The following ZNF83 variants were observed in gnomAD, a reference collection of about 807,000 sequenced individuals.
ZNF83 encodes the protein zinc finger protein 83, also known as zinc finger protein 816B.
For missense variants in ZNF83, 552 were observed against 629.9 expected (o/e 0.88, Z 1.32); for synonymous variants, 209 against 213.0 (o/e 0.98, Z 0.17).
intron 1 of ZNF83, among the ~76,000 whole-genome samples, chr19:52,675,535 A>G (rs568394817): frequency 1.8e-4 from 27 of 152,212 alleles, no homozygotes; most frequent in African/African-American, 6.5e-4. Context: ...GCGGCCTCCT[A>G]TAATTTTGTC....
chr19:52,686,059 A>T (rs893651521), intron 1 of ZNF83, among the ~76,000 whole-genome samples: 4 of 152,200 alleles, frequency 2.6e-5, no homozygotes, highest in Non-Finnish European at 5.9e-5. Flanking sequence ...CAAATGACAT[A>T]AGGAAAGAAA....
chr19:52,681,303 C>CAAAAAAAAAAAAA (rs1189423006), intron 1 of ZNF83, among the ~76,000 whole-genome samples: 35 of 78,304 alleles, frequency 4.5e-4, no homozygotes, highest in Non-Finnish European at 5.8e-4. Flanking sequence ...AAAAAAAAAG[C>CAAAAAAAAAAAAA]AAACGAACAT....
intron 2 of ZNF83, among the ~76,000 whole-genome samples, chr19:52,627,925 A>G (rs1339562291): frequency 6.6e-6 from 1 of 152,102 alleles, no homozygotes; most frequent in Non-Finnish European, 1.5e-5. Flanking sequence ...TTCCTGCCTT[A>G]ACTGATGACA....
chr19:52,674,815 A>ACCAACCAATC (rs1389231440), intron 1 of ZNF83, among the ~76,000 whole-genome samples: 3 of 152,246 alleles, frequency 2.0e-5, no homozygotes, highest in Non-Finnish European at 2.9e-5. Context: ...ATCTCGTTAA[A>ACCAACCAATC]TGATTATACA....
chr19:52,612,763 T>A, exon 3 of ZNF83: 1 of 484,536 alleles, frequency 2.1e-6, no homozygotes, highest in East Asian at 3.3e-5. Context: ...CCTTGCCACA[T>A]TCATTACATT....
chr19:52,653,411 C>T, intron 3 of ZNF83: 1 of 866,680 alleles, frequency 1.2e-6, no homozygotes, highest in Non-Finnish European at 1.9e-6. Flanking sequence ...GGTTTCTCTT[C>T]AGTATGAACT....
intron 2 of ZNF83, among the ~76,000 whole-genome samples, chr19:52,622,864 G>A (rs1279469776): frequency 6.6e-6 from 1 of 152,218 alleles, no homozygotes; most frequent in Non-Finnish European, 1.5e-5. Context: ...TGCAATAATA[G>A]AGAGGAGGCA....
rs116268384 is a variant in ZNF83 at position 52,647,963 on chromosome 19, T to C, written c.-74+7598A>G. 1.2e-3 allele frequency among the ~76,000 whole-genome samples: 176 copies of C among 151,606 alleles called. 1 individual carries two copies. Among genetic ancestry groups the C allele is most frequent in the East Asian group, 5.4e-3 (28 of 5,144 alleles). On this transcript the variant is annotated intron_variant, in intron 3 of 5. Transcript: ENST00000594682. ...CAGCTGTGTTCCCTGCTGTTGTTCT[T>C]CCTCTGTTCTCCTTGCCACCAGCAC...
intron 1 of ZNF83, among the ~76,000 whole-genome samples, 180 bp downstream of exon 1, chr19:52,638,132 G>C (rs1247853833): frequency 2.0e-5 from 3 of 152,236 alleles, no homozygotes; most frequent in Admixed American, 2.0e-4. Flanking sequence ...GGACAGCCCA[G>C]CCTCAGGGCG....
upstream of ZNF83, among the ~76,000 whole-genome samples, chr19:52,642,458 G>T (rs536171613): frequency 6.6e-6 from 1 of 151,590 alleles, no homozygotes; most frequent in Admixed American, 6.6e-5. Flanking sequence ...AGTAAAGACC[G>T]GGTATCTCCA....
At chr19:52,673,188 G>A (rs377520009) in intron 1 of ZNF83, among the ~76,000 whole-genome samples, 3 of 152,044 alleles carry the variant, frequency 2.0e-5, no homozygotes, top group East Asian at 1.9e-4. Flanking sequence ...CAGACTGTGC[G>A]AAAGAGCTGG....
chr19:52,633,467 C>A (rs544462753), intron 2 of ZNF83, among the ~76,000 whole-genome samples: 1 of 129,788 alleles, frequency 7.7e-6, no homozygotes, highest in African/African-American at 3.2e-5. Flanking sequence ...TACACGTGTA[C>A]GAGACTTGCT....
chr19:52,630,180 C>T (rs1351654644), intron 2 of ZNF83, among the ~76,000 whole-genome samples: 1 of 152,198 alleles, frequency 6.6e-6, no homozygotes, highest in Admixed American at 6.5e-5. Context: ...TCCCAGAGCC[C>T]CTGGAACGCT....
At chr19:52,613,232 C>T in exon 3 of ZNF83, 1 of 1,613,914 alleles carries the variant, frequency 6.2e-7, no homozygotes, top group Non-Finnish European at 8.5e-7. Flanking sequence ...CGATGATGTG[C>T]TAGGGATGAG....
chr19:52,674,898 C>T (rs2126980), intron 1 of ZNF83, among the ~76,000 whole-genome samples: 20,604 of 152,062 alleles, frequency 0.14, 1,491 homozygotes, highest in African/African-American at 0.16. Flanking sequence ...AACAAAAAAC[C>T]GGCTGGGAAA....
At chr19:52,676,234 C>T (rs1266105449) in intron 1 of ZNF83, among the ~76,000 whole-genome samples, 2 of 152,196 alleles carry the variant, frequency 1.3e-5, no homozygotes, top group Admixed American at 6.5e-5. Context: ...CTGCCAGCCT[C>T]GGCCTCCCGA....
chr19:52,612,691 T>G (rs1451767157), exon 3 of ZNF83: 1 of 294,794 alleles, frequency 3.4e-6, no homozygotes, highest in Non-Finnish European at 6.3e-6. Context: ...CTCTCAGTGT[T>G]TTTGTTTCTC....
At chr19:52,655,217 C>A in intron 3 of ZNF83, 1 of 244,198 alleles carries the variant, frequency 4.1e-6, no homozygotes, top group Non-Finnish European at 7.8e-6. Flanking sequence ...AGCAGAATCA[C>A]AGCTGGAAAC....
intron 1 of ZNF83, among the ~76,000 whole-genome samples, chr19:52,666,207 G>A (rs974451168): frequency 1.3e-5 from 2 of 150,968 alleles, no homozygotes; most frequent in African/African-American, 4.9e-5. Flanking sequence ...AAGAGAGAGA[G>A]AGAAAGAGAC....
Sources: gnomAD v4.1 joint callset for allele counts (sites outside exome capture counted in the v4.1 genomes callset) on GRCh38, gnomAD v4.1.1 for gene constraint, MANE v1.5 for transcripts, NCBI Gene and HGNC (gene_info 2026-07-23, HGNC 2026-07-21) for gene names.